Variants in PVT1 observed in about 807,000 individuals in gnomAD.
The protein encoded by PVT1 is Pvt1 oncogene.
chr8:128,041,363 T>A (rs1188039266), intron 4 of PVT1, among the ~76,000 whole-genome samples: 2 of 151,348 alleles, frequency 1.3e-5, no homozygotes, highest in Non-Finnish European at 2.9e-5. Context: ...TGCTCATGTG[T>A]TGTTTGTGTT....
intron 4 of PVT1, among the ~76,000 whole-genome samples, chr8:128,065,341 G>A (rs1243262423): frequency 1.3e-5 from 2 of 152,038 alleles, no homozygotes; most frequent in Non-Finnish European, 2.9e-5. Context: ...ACAGGCACAC[G>A]CCACCACGCC....
At chr8:127,980,791 C>CTTTTTTTTT (rs11361552) in intron 3 of PVT1, among the ~76,000 whole-genome samples, 3 of 120,416 alleles carry the variant, frequency 2.5e-5, no homozygotes, top group Non-Finnish European at 3.4e-5. Context: ...ACTACAGCTT[C>CTTTTTTTTT]TTTTTTTTTT....
intron 3 of PVT1, among the ~76,000 whole-genome samples, chr8:127,982,518 A>G (rs1390124821): frequency 6.6e-6 from 1 of 152,106 alleles, no homozygotes; most frequent in Non-Finnish European, 1.5e-5. Flanking sequence ...TTATATTAAA[A>G]AAACAAAATG....
At chr8:128,024,699 A>G (rs1356275422) in intron 4 of PVT1, among the ~76,000 whole-genome samples, 3 of 152,150 alleles carry the variant, frequency 2.0e-5, no homozygotes, top group Non-Finnish European at 1.5e-5. Flanking sequence ...AAGAAGCACT[A>G]TGGTTTAACA....
chr8:127,923,295 C>T (rs1298587542), intron 3 of PVT1, among the ~76,000 whole-genome samples: 1 of 152,238 alleles, frequency 6.6e-6, no homozygotes, highest in Non-Finnish European at 1.5e-5. Context: ...ACGGGCCATT[C>T]ATTTGTGCTT....
chr8:127,929,646 T>G (rs1175386885), intron 3 of PVT1, among the ~76,000 whole-genome samples: 1 of 152,062 alleles, frequency 6.6e-6, no homozygotes, highest in Non-Finnish European at 1.5e-5. Flanking sequence ...CGGGCGCCTG[T>G]AGTCCCAGCT....
intron 4 of PVT1, among the ~76,000 whole-genome samples, chr8:128,000,677 C>T (rs1817165855): frequency 6.6e-6 from 1 of 152,224 alleles, no homozygotes; most frequent in Non-Finnish European, 1.5e-5. Context: ...GTCACCGTAG[C>T]AATACTTTCC....
chr8:127,923,031 C>T (rs146044202), intron 3 of PVT1, among the ~76,000 whole-genome samples: 302 of 152,352 alleles, frequency 2.0e-3, no homozygotes, highest in African/African-American at 6.9e-3. Context: ...CTCATTTTAT[C>T]TTACTGTATA....
intron 3 of PVT1, among the ~76,000 whole-genome samples, chr8:127,981,518 C>A (rs1248917251): frequency 6.6e-6 from 1 of 152,146 alleles, no homozygotes; most frequent in Non-Finnish European, 1.5e-5. Flanking sequence ...GTGACAAGAC[C>A]AAAGCATGCT....
chr8:127,817,526 T>TAACCCTTAGGG (rs1391267178), intron 2 of PVT1, among the ~76,000 whole-genome samples: 5 of 24,452 alleles, frequency 2.0e-4, no homozygotes, highest in Non-Finnish European at 3.2e-4. Context: ...TATATCTATT[T>TAACCCTTAGGG]AAATATATAT....
At chr8:127,872,952 T>C (rs912951921) in intron 2 of PVT1, among the ~76,000 whole-genome samples, 1 of 152,230 alleles carries the variant, frequency 6.6e-6, no homozygotes, top group African/African-American at 2.4e-5. Context: ...GGGACAGCCC[T>C]GTCCATTTCC....
chr8:127,855,300 G>C (rs942227416), intron 2 of PVT1: 1 of 398,400 alleles, frequency 2.5e-6, no homozygotes, highest in Non-Finnish European at 4.4e-6. Flanking sequence ...TGGGGGCCTT[G>C]GCTGTAAGGA....
chr8:127,872,259 C>T (rs1348400311), intron 2 of PVT1, among the ~76,000 whole-genome samples: 1 of 151,640 alleles, frequency 6.6e-6, no homozygotes, highest in Non-Finnish European at 1.5e-5. Context: ...ACTAAAAATA[C>T]AAAAATAGCC....
chr8:127,879,710 G>A (rs1815444071), intron 2 of PVT1, among the ~76,000 whole-genome samples: 2 of 152,212 alleles, frequency 1.3e-5, no homozygotes, highest in Non-Finnish European at 2.9e-5. Context: ...CATTGTTGGA[G>A]ATTACAGGAA....
chr8:127,814,577 G>A (rs1433005085), intron 2 of PVT1, among the ~76,000 whole-genome samples: 1 of 152,198 alleles, frequency 6.6e-6, no homozygotes, highest in Admixed American at 6.5e-5. Context: ...TGAGGGGACT[G>A]ACAGGATGAC....
chr8:127,851,129 CTG>C (rs897065740), intron 2 of PVT1, among the ~76,000 whole-genome samples: 24 of 151,914 alleles, frequency 1.6e-4, no homozygotes, highest in Non-Finnish European at 2.1e-4. Flanking sequence ...AACAATAAAA[CTG>C]GGGATGAAGG....
chr8:128,021,290 CTTTTTTTT>C (rs11438511), intron 4 of PVT1, among the ~76,000 whole-genome samples: 2 of 81,140 alleles, frequency 2.5e-5, no homozygotes, highest in Non-Finnish European at 4.4e-5. Flanking sequence ...AGGACTTGTG[CTTTTTTTT>C]TTTTTTTTTT....
intron 2 of PVT1, among the ~76,000 whole-genome samples, chr8:127,805,111 G>A (rs1275724346): frequency 2.0e-5 from 3 of 151,478 alleles, no homozygotes; most frequent in Non-Finnish European, 4.4e-5. Flanking sequence ...TGTGTTTTTA[G>A]TAGAGACGGG....
intron 2 of PVT1, among the ~76,000 whole-genome samples, chr8:127,872,269 C>T (rs930012032): frequency 6.6e-6 from 1 of 151,864 alleles, no homozygotes; most frequent in Admixed American, 6.6e-5. Context: ...CAAAAATAGC[C>T]GGGCTTGGTG....
Sources: gnomAD v4.1 joint callset for allele counts (sites outside exome capture counted in the v4.1 genomes callset) on GRCh38, gnomAD v4.1.1 for gene constraint, MANE v1.5 for transcripts, NCBI Gene and HGNC (gene_info 2026-07-23, HGNC 2026-07-21) for gene names.